Variants in LHFPL3 observed in about 807,000 individuals in gnomAD.
LHFPL3 encodes the protein LHFPL tetraspan subfamily member 3 protein.
A neutral mutation model predicts 19.3 loss-of-function variants in LHFPL3; 5 were observed. That is an observed-to-expected ratio of 0.26 (90% confidence interval 0.14 to 0.54). LHFPL3 has a LOEUF of 0.54. Ranked by LOEUF, LHFPL3 falls within the 20% of genes least tolerant of loss-of-function variation. The pLI, the probability that LHFPL3 is intolerant of heterozygous loss-of-function variation, is 0.94. For synonymous variants in LHFPL3, 133 were observed against 126.2 expected (o/e 1.05, Z -0.36); for missense variants, 249 against 307.4 (o/e 0.81, Z 1.42).
chr7:104,751,168 A>T (rs1249734080), intron 2 of LHFPL3, among the ~76,000 whole-genome samples: 3 of 85,292 alleles, frequency 3.5e-5, no homozygotes, highest in African/African-American at 1.1e-4. Flanking sequence ...CTGAGATTAC[A>T]TCTGATCCTG....
intron 2 of LHFPL3, among the ~76,000 whole-genome samples, chr7:104,829,384 ATTAC>A (rs1283316913): frequency 6.6e-6 from 1 of 151,562 alleles, no homozygotes; most frequent in African/African-American, 2.4e-5. Context: ...CAATGTGCAA[ATTAC>A]TTACATATGT....
At chr7:104,872,771 C>A (rs1385681460) in intron 2 of LHFPL3, among the ~76,000 whole-genome samples, 1 of 152,168 alleles carries the variant, frequency 6.6e-6, no homozygotes, top group Admixed American at 6.5e-5. Context: ...TCTATGATAA[C>A]CATTCTTCTG....
Position 104,465,108 on chromosome 7 carries a change from G to A in LHFPL3, c.445+135884G>A, listed in dbSNP as rs117422710. Among the ~76,000 whole-genome samples the A allele has an allele frequency of 5.5e-3, 829 of 151,682 alleles. 48 individuals are homozygous for A. The East Asian group carries it at 0.13, about 24-fold the overall frequency. ...AAAATGCCACCAGTCTTTTTGCATA[G>A]CAAGAATGACCTTTACTCCAGCTCC... is the stretch of plus-strand genomic sequence containing the variant. On this transcript the variant is annotated intron_variant, in intron 1 of 2. Transcript: ENST00000424859.
rs532328691 is a variant in LHFPL3, at chr7:104,880,953, G to T, written c.683-25234G>T. Among the ~76,000 whole-genome samples, 30 of 152,134 alleles carry T rather than the reference G, an allele frequency of 2.0e-4. No individual in the cohort carries two copies. The South Asian group carries it at 3.9e-3, about 20-fold the overall frequency. ...TGGGAGGCCAAGGCGGGTGAATCAC[G>T]AGGTCAGGAGATCAAGACCTTCCTG... On this transcript the variant is annotated intron_variant, in intron 2 of 2. Transcript: ENST00000424859.
intron 1 of LHFPL3, among the ~76,000 whole-genome samples, chr7:104,543,161 G>T (rs1794520225): frequency 1.3e-5 from 2 of 152,114 alleles, no homozygotes; most frequent in Non-Finnish European, 2.9e-5. Flanking sequence ...CAGGGGGTGA[G>T]GGGTCCAAGG....
At chr7:104,479,644 G>A (rs912848085) in intron 1 of LHFPL3, among the ~76,000 whole-genome samples, 2 of 152,056 alleles carry the variant, frequency 1.3e-5, no homozygotes, top group Middle Eastern at 3.2e-3. Context: ...CACCTGCCTC[G>A]GCTTCCCAAA....
intron 1 of LHFPL3, among the ~76,000 whole-genome samples, chr7:104,686,027 C>T (rs144414331): frequency 1.2e-3 from 176 of 152,302 alleles, no homozygotes; most frequent in African/African-American, 3.9e-3. Flanking sequence ...TTTCAAGTTT[C>T]AAAAGCCTCA....
intron 2 of LHFPL3, among the ~76,000 whole-genome samples, chr7:104,821,118 T>C (rs1349809678): frequency 1.3e-5 from 2 of 152,206 alleles, no homozygotes; most frequent in Admixed American, 6.5e-5. Context: ...TGCTTTCTGC[T>C]TTTAAAAAAA....
intron 1 of LHFPL3, among the ~76,000 whole-genome samples, chr7:104,352,750 A>C (rs1440625191): frequency 2.6e-5 from 4 of 152,200 alleles, no homozygotes; most frequent in Admixed American, 6.5e-5. Flanking sequence ...GTTTCTCCAC[A>C]CTTTTCTTTC....
chr7:104,844,262 C>G lies in LHFPL3; in HGVS notation c.683-61925C>G, dbSNP rs1369913594. ...TGCACTGGCACCTTTCAGCAGTTCT[C>G]TGTGAGGCACCAGATGGAGGCAATT... On this transcript the variant is annotated intron_variant, in intron 2 of 2. Coordinates refer to ENST00000424859, the MANE Select transcript of LHFPL3 (RefSeq NM_199000.3). Among the ~76,000 whole-genome samples the G allele has an allele frequency of 2.0e-4, 30 of 152,244 alleles. 1 individual carries two copies. The highest frequency in any genetic ancestry group is 1.5e-5 in the Non-Finnish European group (1 of 68,050).
At chr7:104,625,773 T>C (rs763082277) in intron 1 of LHFPL3, among the ~76,000 whole-genome samples, 20 of 152,154 alleles carry the variant, frequency 1.3e-4, no homozygotes, top group Non-Finnish European at 2.9e-4. Flanking sequence ...AGGAGAAATT[T>C]TTACGAATTT....
At chr7:104,870,351 T>G (rs895818280) in intron 2 of LHFPL3, among the ~76,000 whole-genome samples, 2 of 152,190 alleles carry the variant, frequency 1.3e-5, no homozygotes, top group Admixed American at 6.5e-5. Flanking sequence ...GTTCAAATTC[T>G]AGCTCTACCA....
intron 1 of LHFPL3, among the ~76,000 whole-genome samples, chr7:104,416,273 T>A (rs1471627746): frequency 1.3e-5 from 2 of 152,088 alleles, no homozygotes; most frequent in African/African-American, 4.8e-5. Context: ...AAGGAATGAT[T>A]CTCCCCTACA....
At chr7:104,535,149 T>A (rs1446865830) in intron 1 of LHFPL3, among the ~76,000 whole-genome samples, 3 of 152,236 alleles carry the variant, frequency 2.0e-5, no homozygotes, top group Non-Finnish European at 4.4e-5. Flanking sequence ...TTTCTCTGAT[T>A]GAACTACAAA....
chr7:104,570,752 CG>C (rs1790216575), intron 1 of LHFPL3, among the ~76,000 whole-genome samples: 1 of 152,014 alleles, frequency 6.6e-6, no homozygotes, highest in Non-Finnish European at 1.5e-5. Context: ...ACTCATATCA[CG>C]GGGGTTTGTT....
chr7:104,532,391 C>T (rs972347266), intron 1 of LHFPL3, among the ~76,000 whole-genome samples: 1 of 135,124 alleles, frequency 7.4e-6, no homozygotes, highest in African/African-American at 2.7e-5. Context: ...AAAATCCTGG[C>T]CTCAAATGAT....
At chr7:104,552,376 T>A (rs1794677339) in intron 1 of LHFPL3, among the ~76,000 whole-genome samples, 1 of 152,192 alleles carries the variant, frequency 6.6e-6, no homozygotes, top group African/African-American at 2.4e-5. Flanking sequence ...CTTATTACTA[T>A]AGCCATTTCC....
At chr7:104,504,819 G>A (rs1045883667) in intron 1 of LHFPL3, among the ~76,000 whole-genome samples, 1 of 152,118 alleles carries the variant, frequency 6.6e-6, no homozygotes, top group African/African-American at 2.4e-5. Context: ...TTTTCACTGT[G>A]TTGCAATATT....
chr7:104,788,696 TA>T (rs986713613), intron 2 of LHFPL3, among the ~76,000 whole-genome samples: 1 of 152,152 alleles, frequency 6.6e-6, no homozygotes, highest in African/African-American at 2.4e-5. Context: ...TGCTGGAGTC[TA>T]AAAAATGCTA....
Sources: gnomAD v4.1 joint callset for allele counts (sites outside exome capture counted in the v4.1 genomes callset) on GRCh38, gnomAD v4.1.1 for gene constraint, MANE v1.5 for transcripts, NCBI Gene and HGNC (gene_info 2026-07-23, HGNC 2026-07-21) for gene names.